RALYL: variants seen among roughly 807,000 people sequenced by gnomAD.
RALYL encodes RNA-binding Raly-like protein.
In RALYL, 29 loss-of-function variants were observed where a neutral mutation model predicts 35.1. That is an observed-to-expected ratio of 0.83 (90% CI 0.61 to 1.13). RALYL has a LOEUF of 1.13. Among genes scored for constraint, RALYL ranks in the 50% most tolerant of loss-of-function variants. The pLI is 0.00. For synonymous variants in RALYL, 120 were observed against 127.6 expected (o/e 0.94, Z 0.40); for missense variants, 359 against 360.4 (o/e 1.00, Z 0.03).
intron 2 of RALYL, among the ~76,000 whole-genome samples, chr8:84,747,601 T>G (rs929963667): frequency 2.0e-5 from 3 of 151,938 alleles, no homozygotes; most frequent in African/African-American, 7.2e-5. Context: ...CCTAAGAACA[T>G]AAGCAGTTCT....
chr8:84,803,417 T>C (rs1046354160), intron 3 of RALYL, among the ~76,000 whole-genome samples: 1 of 152,208 alleles, frequency 6.6e-6, no homozygotes, highest in Non-Finnish European at 1.5e-5. Flanking sequence ...CTTCAGCTTT[T>C]CCCTCCCTAG....
chr8:84,706,095 T>A, intron 2 of RALYL: 1 of 1,527,894 alleles, frequency 6.5e-7, no homozygotes, highest in Non-Finnish European at 8.8e-7. Context: ...TTCATATCAC[T>A]GGGGTAGGGA....
At chr8:84,713,036 A>G (rs1302052881) in intron 2 of RALYL, among the ~76,000 whole-genome samples, 1 of 152,092 alleles carries the variant, frequency 6.6e-6, no homozygotes, top group Non-Finnish European at 1.5e-5. Context: ...GTTTTGGCTC[A>G]AACTAATGTC....
At chr8:84,475,966 G>A (rs1160999713) in intron 1 of RALYL, among the ~76,000 whole-genome samples, 1 of 152,178 alleles carries the variant, frequency 6.6e-6, no homozygotes, top group Non-Finnish European at 1.5e-5. Flanking sequence ...ATCCAGGTTA[G>A]GAGGTCAGAA....
chr8:84,606,478 A>G (rs748369717), intron 2 of RALYL, among the ~76,000 whole-genome samples: 2 of 152,188 alleles, frequency 1.3e-5, no homozygotes, highest in African/African-American at 4.8e-5. Flanking sequence ...ACACAAGGAC[A>G]TTGCTTTAGA....
intron 2 of RALYL, among the ~76,000 whole-genome samples, chr8:84,683,860 A>T (rs999587233): frequency 6.6e-6 from 1 of 152,022 alleles, no homozygotes; most frequent in South Asian, 2.1e-4. Context: ...CTTATTCTGT[A>T]TATTAAGTAG....
intron 2 of RALYL, among the ~76,000 whole-genome samples, chr8:84,529,814 C>T (rs1440628279): frequency 6.6e-6 from 1 of 152,048 alleles, no homozygotes; most frequent in Non-Finnish European, 1.5e-5. Context: ...TTACCTCCAC[C>T]CATCCTAACA....
At chr8:84,336,716 G>A (rs1053957950) in intron 1 of RALYL, among the ~76,000 whole-genome samples, 6 of 151,870 alleles carry the variant, frequency 4.0e-5, no homozygotes, top group East Asian at 3.9e-4. Flanking sequence ...TTTCCTTTTC[G>A]TGGTATTAAA....
intron 1 of RALYL, among the ~76,000 whole-genome samples, chr8:84,202,367 A>ATTTTTTTTTTTTTTTTTTTTTTTT: frequency 8.8e-6 from 1 of 113,448 alleles, no homozygotes; most frequent in Non-Finnish European, 1.8e-5. Context: ...TATTGAAGGG[A>ATTTTTTTTTTTTTTTTTTTTTTTT]TTTTTTTTTT....
chr8:84,764,997 A>G (rs1378027014), intron 2 of RALYL, among the ~76,000 whole-genome samples: 2 of 152,152 alleles, frequency 1.3e-5, no homozygotes, highest in East Asian at 3.8e-4. Flanking sequence ...ACTCTGGTAC[A>G]TTTGTGGGTT....
At chr8:84,540,124 A>ATG (rs2059923962) in intron 2 of RALYL, among the ~76,000 whole-genome samples, 3 of 151,786 alleles carry the variant, frequency 2.0e-5, no homozygotes, top group Non-Finnish European at 4.4e-5. Flanking sequence ...CTAGATTTTT[A>ATG]AACCAGTGTA....
intron 2 of RALYL, among the ~76,000 whole-genome samples, chr8:84,686,656 C>T (rs531776890): frequency 3.3e-5 from 5 of 152,112 alleles, no homozygotes; most frequent in Admixed American, 2.0e-4. Flanking sequence ...CCTCCCATCT[C>T]GGCCTCCCAA....
intron 1 of RALYL, among the ~76,000 whole-genome samples, chr8:84,272,212 C>T (rs1208161158): frequency 2.0e-5 from 3 of 152,116 alleles, no homozygotes; most frequent in African/African-American, 7.2e-5. Context: ...CCTGCCTCAG[C>T]CTCCTGAGTA....
chr8:84,891,641 T>C (rs570342448), intron 8 of RALYL, among the ~76,000 whole-genome samples: 3 of 152,302 alleles, frequency 2.0e-5, no homozygotes, highest in African/African-American at 7.2e-5. Flanking sequence ...CTCTATTATA[T>C]CATTTTGTTT....
intron 1 of RALYL, among the ~76,000 whole-genome samples, chr8:84,389,574 G>A (rs1860116278): frequency 6.6e-6 from 1 of 150,714 alleles, no homozygotes; most frequent in Non-Finnish European, 1.5e-5. Context: ...TTGTAAGTTG[G>A]ATTCCTAGGT....
At chr8:84,488,219 A>G (rs544906986) in intron 1 of RALYL, among the ~76,000 whole-genome samples, 1 of 152,214 alleles carries the variant, frequency 6.6e-6, no homozygotes, top group South Asian at 2.1e-4. Context: ...AAGTTGTATG[A>G]GCAGCTTCAC....
Position 84,311,090 on chromosome 8 carries a change from A to AAAAAAAT in RALYL, c.-24+126667_-24+126668insAAAAATA, listed in dbSNP as rs1554614840. Among the ~76,000 whole-genome samples the AAAAAAAT allele has an allele frequency of 4.0e-3, 396 of 99,762 alleles. 35 individuals carry two copies. Among genetic ancestry groups the AAAAAAAT allele is most frequent in the Non-Finnish European group, 5.0e-3 (239 of 47,366 alleles). 65.4% of individuals were successfully genotyped at this position (99,762 alleles called of 152,430 possible). ...AAAAAAAAAAAAAAAAAAAAAAAAA[A>AAAAAAAT]ATGTATATTAATGTATAGTATAAAT... On this transcript the variant is annotated intron_variant, in intron 1 of 8. Coordinates refer to ENST00000521268, the MANE Select transcript of RALYL (RefSeq NM_173848.7).
intron 1 of RALYL, among the ~76,000 whole-genome samples, chr8:84,445,123 C>T (rs1401444137): frequency 1.3e-5 from 2 of 152,066 alleles, no homozygotes; most frequent in African/African-American, 4.8e-5. Context: ...TAGATTATCA[C>T]ATTAATTCTC....
intron 1 of RALYL, among the ~76,000 whole-genome samples, chr8:84,279,065 A>G (rs138917976): frequency 8.0e-4 from 122 of 152,294 alleles, no homozygotes; most frequent in Non-Finnish European, 1.6e-3. Flanking sequence ...ACAGTCCCAC[A>G]TGGCTGGGGA....
Sources: gnomAD v4.1 joint callset for allele counts (sites outside exome capture counted in the v4.1 genomes callset) on GRCh38, gnomAD v4.1.1 for gene constraint, MANE v1.5 for transcripts, NCBI Gene and HGNC (gene_info 2026-07-23, HGNC 2026-07-21) for gene names.